DAB2IP: variants seen among roughly 807,000 people sequenced by gnomAD.
DAB2IP encodes DAB2 interacting protein.
A neutral mutation model predicts 107.2 loss-of-function variants in DAB2IP; 28 were observed. The ratio of observed to expected loss-of-function variants is 0.26; its 90% CI spans 0.19 to 0.36. The LOEUF (loss-of-function observed/expected upper bound fraction) is 0.36. Ranked by LOEUF, DAB2IP falls within the 10% of genes least tolerant of loss-of-function variation. The pLI, the probability that DAB2IP is intolerant of heterozygous loss-of-function variation, is 1.00. For synonymous variants in DAB2IP, 755 were observed against 706.4 expected (o/e 1.07, Z -1.09); for missense variants, 1,400 against 1,644.7 (o/e 0.85, Z 2.57).
chr9:121,761,648 C>A (rs960095721), intron 6 of DAB2IP, among the ~76,000 whole-genome samples: 23 of 152,284 alleles, frequency 1.5e-4, no homozygotes, highest in African/African-American at 5.5e-4. Flanking sequence ...CCCCATGGAC[C>A]CGCGATGGGG....
At chr9:121,748,555 A>G (rs1414240639) in intron 3 of DAB2IP, among the ~76,000 whole-genome samples, 2 of 152,100 alleles carry the variant, frequency 1.3e-5, no homozygotes, top group African/African-American at 4.8e-5. Flanking sequence ...GTGGGACCTG[A>G]GCTTGAATAC....
chr9:121,587,378 C>T (rs572842971), intron 1 of DAB2IP, among the ~76,000 whole-genome samples: 13 of 152,036 alleles, frequency 8.6e-5, no homozygotes, highest in Non-Finnish European at 1.0e-4. Flanking sequence ...GAGGCTGAGG[C>T]GGGCAGATTG....
Position 121,763,912 on chromosome 9 carries a change from C to T in DAB2IP, c.1460+33C>T, listed in dbSNP as rs80248526. ...CGGTGCCCAGGTCTCCCCACCCTGT[C>T]GCCTTCCCCATCCTGTCCTTCAGTG... is the stretch of plus-strand genomic sequence containing the variant. On this transcript the variant is annotated intron_variant, in intron 8 of 15. Coordinates refer to ENST00000408936, the Ensembl canonical transcript of DAB2IP. 1.0e-4 allele frequency: 161 copies of T among 1,607,704 alleles called. No homozygotes were observed. The Middle Eastern group carries it at 3.1e-3, about 31-fold the overall frequency.
At chr9:121,738,340 C>T (rs1832079129) in intron 3 of DAB2IP, among the ~76,000 whole-genome samples, 1 of 152,206 alleles carries the variant, frequency 6.6e-6, no homozygotes, top group Non-Finnish European at 1.5e-5. Context: ...ATGTCTGTCT[C>T]TCTCTCTCTC....
At chr9:121,595,543 C>T (rs1830512168) in intron 1 of DAB2IP, among the ~76,000 whole-genome samples, 1 of 149,114 alleles carries the variant, frequency 6.7e-6, no homozygotes, top group Non-Finnish European at 1.5e-5. Flanking sequence ...GTTGAGGCTG[C>T]AGTGAGTTAT....
At chr9:121,652,736 G>T (rs988336107) in intron 1 of DAB2IP, among the ~76,000 whole-genome samples, 1 of 152,168 alleles carries the variant, frequency 6.6e-6, no homozygotes. Flanking sequence ...GTGGGAAGCC[G>T]GGCCCTGTGC....
chr9:121,715,817 G>T (rs185724714), intron 3 of DAB2IP, among the ~76,000 whole-genome samples: 8 of 152,354 alleles, frequency 5.3e-5, no homozygotes, highest in Non-Finnish European at 1.2e-4. Flanking sequence ...TCAGTTGTCT[G>T]CAGAGGTGGG....
At chr9:121,579,589 C>A (rs912074459) in intron 1 of DAB2IP, among the ~76,000 whole-genome samples, 1 of 152,100 alleles carries the variant, frequency 6.6e-6, no homozygotes, top group Non-Finnish European at 1.5e-5. Context: ...GACCAGGGGA[C>A]CTCCCTAACA....
chr9:121,651,281 C>T (rs1832726958), upstream of DAB2IP, among the ~76,000 whole-genome samples: 1 of 152,188 alleles, frequency 6.6e-6, no homozygotes, highest in South Asian at 2.1e-4. The surrounding 1 kb of genome is among the most constrained non-coding windows in gnomAD (Gnocchi z 5.1). Context: ...GGGGCAGGAA[C>T]GGACCCTAAT....
Position 121,770,720 on chromosome 9 carries a change from T to C in DAB2IP, c.2074T>C (p.Ser692Pro), listed in dbSNP as rs1437918870. Residue 692 changes from serine to proline, a missense_variant, in exon 11 of 16, where the codon TCC becomes CCC. Physicochemically the swap from Ser to Pro is moderately conservative, Grantham distance 74. Around this residue, in one of 3 missense-constraint regions of DAB2IP, gnomAD observed 517 missense variants for 748.6 expected, o/e 0.69. Transcript: ENST00000408936. ...GAAGATGGTGATTGAGAACGATCTT[T>C]CCGGGTAAGAGCTGCCAGCCATGTT... 2.5e-6 allele frequency: 4 copies of C among 1,613,772 alleles called. No homozygotes were observed. Among genetic ancestry groups the C allele is most frequent in the Non-Finnish European group, 3.4e-6 (4 of 1,179,896 alleles).
intron 3 of DAB2IP, among the ~76,000 whole-genome samples, chr9:121,710,225 G>A (rs945943585): frequency 1.3e-5 from 2 of 152,198 alleles, no homozygotes; most frequent in African/African-American, 4.8e-5. Flanking sequence ...GAGTGGCATA[G>A]ACAGGATTTG....
intron 1 of DAB2IP, among the ~76,000 whole-genome samples, chr9:121,621,340 C>A (rs1162546247): frequency 6.6e-6 from 1 of 152,182 alleles, no homozygotes; most frequent in African/African-American, 2.4e-5. Flanking sequence ...CCAGACTTCT[C>A]AGCTCGGTTT....
rs1338596550 is a variant in DAB2IP at position 121,736,671 on chromosome 9, T to G, written c.363-20342T>G. Among the ~76,000 whole-genome samples, 2 of 151,808 alleles carry G rather than the reference T, an allele frequency of 1.3e-5. No homozygotes were observed. The highest frequency in any genetic ancestry group is 4.8e-5 in the African/African-American group (2 of 41,316). ...CTCTGGGAGCAGCGCTCGGGGGAGG[T>G]TACCTTGGCGCGCCCCCAAATCTTT... is the stretch of plus-strand genomic sequence containing the variant. On this transcript the variant is annotated intron_variant, in intron 3 of 15. Coordinates refer to ENST00000408936, the Ensembl canonical transcript of DAB2IP. This position sits in a 1 kb window ranked among gnomAD's most constrained non-coding sequence, Gnocchi z 4.6.
At chr9:121,666,729 C>T (rs1833449811) in intron 1 of DAB2IP, among the ~76,000 whole-genome samples, 1 of 152,018 alleles carries the variant, frequency 6.6e-6, no homozygotes, top group South Asian at 2.1e-4. Context: ...CAAACCTGCA[C>T]GTTCTGCACA....
At chr9:121,752,791 G>A (rs1460481304) in intron 3 of DAB2IP, 2 of 152,226 alleles carry the variant, frequency 1.3e-5, no homozygotes, top group Non-Finnish European at 2.9e-5. Flanking sequence ...ACAACTCAAA[G>A]GGCTGGGAAA....
intron 1 of DAB2IP, among the ~76,000 whole-genome samples, chr9:121,609,743 T>C (rs1831023869): frequency 6.6e-6 from 1 of 152,210 alleles, no homozygotes; most frequent in South Asian, 2.1e-4. Context: ...CATGACAAGT[T>C]CCTGGCAGAG....
chr9:121,766,821 GAGACCATAAAC>G, intron 9 of DAB2IP, 91 bp downstream of exon 9: 1 of 1,339,814 alleles, frequency 7.5e-7, no homozygotes, highest in Non-Finnish European at 1.0e-6. Context: ...AAGCTGAGCA[GAGACCATAAAC>G]AGGCCCTGGT....
chr9:121,756,736 C>G (rs1259700755), intron 3 of DAB2IP, among the ~76,000 whole-genome samples: 1 of 152,254 alleles, frequency 6.6e-6, no homozygotes, highest in African/African-American at 2.4e-5. Context: ...GCCCCGCAGG[C>G]TCACTTGCAA....
At position 121,671,044 on chromosome 9, in the gene DAB2IP, G is replaced by A. The variant is rs538136045; in HGVS notation, c.125-7634G>A. Among the ~76,000 whole-genome samples the A allele has an allele frequency of 2.3e-3, 355 of 152,254 alleles. 3 individuals carry two copies. Among genetic ancestry groups the A allele is most frequent in the African/African-American group, 6.1e-3 (253 of 41,544 alleles). ...CACACACCTGTAGTCCCAGCTACTC[G>A]GGATGCTGAGGCAGGAGAACCGCTT... On this transcript the variant is annotated intron_variant, in intron 1 of 15. Coordinates refer to ENST00000408936, the Ensembl canonical transcript of DAB2IP.
Sources: allele counts gnomAD v4.1 joint callset (sites outside exome capture counted in the v4.1 genomes callset), GRCh38; gene constraint gnomAD v4.1.1; regional missense constraint gnomAD v4.1.1; non-coding constraint Gnocchi (gnomAD v3.1); transcripts MANE v1.5; gene names NCBI Gene and HGNC (gene_info 2026-07-23, HGNC 2026-07-21).